LRRTM4: variants seen among roughly 807,000 people sequenced by gnomAD.
The protein encoded by LRRTM4 is leucine-rich repeat transmembrane neuronal protein 4.
A neutral mutation model predicts 47.6 loss-of-function variants in LRRTM4; 25 were observed. The ratio of observed to expected loss-of-function variants is 0.53; its 90% confidence interval spans 0.38 to 0.73. LRRTM4 has a LOEUF of 0.73. LRRTM4 is among the 30% of genes least tolerant of loss of function. The probability of loss-of-function intolerance (pLI) is 0.00; values close to 1 mark genes in which losing one functional copy is unlikely to be tolerated. For synonymous variants in LRRTM4, 311 were observed against 269.5 expected, an observed-to-expected ratio of 1.15 and a Z score of -1.51; for missense variants, 638 against 713.4, an observed-to-expected ratio of 0.89 and a Z score of 1.20.
intron 3 of LRRTM4, among the ~76,000 whole-genome samples, chr2:77,507,269 A>G (rs1384445804): frequency 2.0e-5 from 3 of 152,136 alleles, no homozygotes; most frequent in East Asian, 3.8e-4. Flanking sequence ...ATAAAATCAT[A>G]TATTTGCTTA....
chr2:77,032,702 A>G (rs17406395), intron 3 of LRRTM4, among the ~76,000 whole-genome samples: 18,568 of 152,136 alleles, frequency 0.12, 1,416 homozygotes, highest in Admixed American at 0.19. Context: ...TCCTCATTAT[A>G]TGCTGAAAGA....
At chr2:77,121,346 A>G (rs1051800579) in intron 3 of LRRTM4, among the ~76,000 whole-genome samples, 1 of 151,974 alleles carries the variant, frequency 6.6e-6, no homozygotes, top group South Asian at 2.1e-4. Context: ...CTGCACTTAG[A>G]CAAGAACATA....
chr2:76,997,173 A>G (rs949363289), intron 3 of LRRTM4, among the ~76,000 whole-genome samples: 8 of 152,126 alleles, frequency 5.3e-5, no homozygotes, highest in Admixed American at 1.3e-4. Flanking sequence ...CTATCAATTT[A>G]TGAAGCTCAA....
chr2:76,795,224 GAA>G (rs1491579376), intron 3 of LRRTM4, among the ~76,000 whole-genome samples: 5 of 143,356 alleles, frequency 3.5e-5, no homozygotes, highest in South Asian at 2.2e-4. Context: ...TTAAATTAAT[GAA>G]AAGTGTGTTT....
chr2:77,233,905 C>A (rs949490672), intron 3 of LRRTM4, among the ~76,000 whole-genome samples: 1 of 152,140 alleles, frequency 6.6e-6, no homozygotes, highest in East Asian at 1.9e-4. Context: ...TCAAGCGAGT[C>A]TCCCACCTCA....
At chr2:76,833,455 G>A (rs924676606) in intron 3 of LRRTM4, among the ~76,000 whole-genome samples, 1 of 151,942 alleles carries the variant, frequency 6.6e-6, no homozygotes, top group African/African-American at 2.4e-5. Flanking sequence ...TACATAAGCC[G>A]TCCTAATATA....
At chr2:76,942,907 T>TAA (rs1192209187) in intron 3 of LRRTM4, among the ~76,000 whole-genome samples, 2 of 152,160 alleles carry the variant, frequency 1.3e-5, no homozygotes, top group African/African-American at 4.8e-5. Context: ...TGCCAATAAT[T>TAA]AAGGCTGGCA....
At chr2:77,328,899 A>G (rs139482879) in intron 3 of LRRTM4, among the ~76,000 whole-genome samples, 1 of 152,244 alleles carries the variant, frequency 6.6e-6, no homozygotes, top group Non-Finnish European at 1.5e-5. Flanking sequence ...GATCTCTGAG[A>G]GCTATGTGAG....
chr2:76,974,193 TATACATATATATATATAC>T (rs1676327326), intron 3 of LRRTM4, among the ~76,000 whole-genome samples: 1 of 119,608 alleles, frequency 8.4e-6, no homozygotes, highest in African/African-American at 4.1e-5. Context: ...CATACATATA[TATACATATATATATATAC>T]ACATATATAT....
intron 3 of LRRTM4, among the ~76,000 whole-genome samples, chr2:76,818,959 G>A (rs1670978231): frequency 6.6e-6 from 1 of 151,650 alleles, no homozygotes; most frequent in Non-Finnish European, 1.5e-5. Context: ...AGTTATACTA[G>A]TTTTACTAGT....
chr2:77,100,785 A>G (rs1670931752), intron 3 of LRRTM4, among the ~76,000 whole-genome samples: 2 of 151,916 alleles, frequency 1.3e-5, no homozygotes, highest in South Asian at 4.1e-4. Context: ...AACCTTTTTA[A>G]TCACTAAGAG....
At chr2:77,208,821 C>A (rs1449656700) in intron 3 of LRRTM4, among the ~76,000 whole-genome samples, 1 of 152,074 alleles carries the variant, frequency 6.6e-6, no homozygotes. Flanking sequence ...TGGAACGGTA[C>A]TTATATTTGC....
chr2:77,163,454 C>T (rs1428393062), intron 3 of LRRTM4, among the ~76,000 whole-genome samples: 1 of 152,092 alleles, frequency 6.6e-6, no homozygotes, highest in Non-Finnish European at 1.5e-5. Context: ...GGCCAACATT[C>T]AAATTCAGGA....
chr2:76,795,820 G>T (rs1047411899), intron 3 of LRRTM4, among the ~76,000 whole-genome samples: 15 of 151,800 alleles, frequency 9.9e-5, no homozygotes, highest in African/African-American at 3.6e-4. Context: ...GAGCCAAGAT[G>T]GCCAAATAGG....
chr2:77,001,765 T>G (rs1368565658), intron 3 of LRRTM4, among the ~76,000 whole-genome samples: 2 of 152,272 alleles, frequency 1.3e-5, no homozygotes. Flanking sequence ...CTTTCTCCCA[T>G]GCCCTTGTAT....
chr2:77,029,050 C>A (rs10189058), intron 3 of LRRTM4, among the ~76,000 whole-genome samples: 25,209 of 118,396 alleles, frequency 0.21, 6,234 homozygotes, highest in African/African-American at 0.58. Context: ...CACACACACA[C>A]AAATATATAT....
intron 3 of LRRTM4, among the ~76,000 whole-genome samples, chr2:77,046,282 G>A (rs142701250): frequency 6.6e-6 from 1 of 151,994 alleles, no homozygotes; most frequent in African/African-American, 2.4e-5. Flanking sequence ...CTTCCAGGCA[G>A]ATTTCACTCA....
intron 3 of LRRTM4, among the ~76,000 whole-genome samples, chr2:77,228,249 T>C (rs992476432): frequency 6.6e-6 from 1 of 152,122 alleles, no homozygotes; most frequent in African/African-American, 2.4e-5. Context: ...TTTTTCCACA[T>C]AATAAATTTA....
intron 3 of LRRTM4, among the ~76,000 whole-genome samples, chr2:77,140,790 C>A (rs1459687105): frequency 6.6e-6 from 1 of 151,858 alleles, no homozygotes; most frequent in Non-Finnish European, 1.5e-5. Context: ...AAAAAAACAA[C>A]CCCATCAAAA....
Sources: allele counts gnomAD v4.1 joint callset (sites outside exome capture counted in the v4.1 genomes callset), GRCh38; gene constraint gnomAD v4.1.1; transcripts MANE v1.5; gene names NCBI Gene and HGNC (gene_info 2026-07-23, HGNC 2026-07-21).